The following CSMD1 variants were observed in gnomAD, a reference collection of about 807,000 sequenced individuals.
The protein encoded by CSMD1 is CUB and sushi domain-containing protein 1.
In CSMD1, 213 loss-of-function variants were observed where a neutral mutation model predicts 417.5. The ratio of observed to expected loss-of-function variants is 0.51; its 90% CI spans 0.46 to 0.57. The LOEUF is 0.57. CSMD1 is among the 20% of genes least tolerant of loss of function. The pLI, the probability that CSMD1 is intolerant of heterozygous loss-of-function variation, is 0.00. For synonymous variants in CSMD1, 2,862 were observed against 1,736.8 expected, an observed-to-expected ratio of 1.65 and a Z score of -16.11; for missense variants, 6,923 against 4,529.7, an observed-to-expected ratio of 1.53 and a Z score of -15.17.
chr8:3,967,771 G>A (rs989619270), intron 5 of CSMD1, among the ~76,000 whole-genome samples: 2 of 152,058 alleles, frequency 1.3e-5, no homozygotes, highest in Non-Finnish European at 1.5e-5. Context: ...TATTACGTGT[G>A]AACTAACTAC....
At chr8:4,707,886 C>CAAAAAAAAAAAAAAAAAAA (rs552510236) in intron 1 of CSMD1, among the ~76,000 whole-genome samples, 5 of 100,852 alleles carry the variant, frequency 5.0e-5, no homozygotes, top group African/African-American at 1.1e-4. Flanking sequence ...GACTTTGTTT[C>CAAAAAAAAAAAAAAAAAAA]AAAAAAAAAA....
chr8:3,250,997 C>G (rs1206166187), intron 26 of CSMD1, among the ~76,000 whole-genome samples: 1 of 152,148 alleles, frequency 6.6e-6, no homozygotes, highest in African/African-American at 2.4e-5. Context: ...TGAAAATTTT[C>G]TCCCATTTTG....
intron 1 of CSMD1, among the ~76,000 whole-genome samples, chr8:4,816,255 G>A (rs1439982747): frequency 1.3e-5 from 2 of 151,948 alleles, no homozygotes; most frequent in African/African-American, 4.8e-5. Flanking sequence ...TGCAATCTTG[G>A]CTCACTGCAA....
At chr8:4,141,527 C>A (rs1803789343) in intron 3 of CSMD1, among the ~76,000 whole-genome samples, 1 of 151,176 alleles carries the variant, frequency 6.6e-6, no homozygotes, top group South Asian at 2.1e-4. Context: ...TACATTTTCA[C>A]ACATGTACAA....
intron 23 of CSMD1, among the ~76,000 whole-genome samples, chr8:3,338,147 C>T (rs1360158261): frequency 6.6e-6 from 1 of 152,162 alleles, no homozygotes; most frequent in Non-Finnish European, 1.5e-5. Context: ...CTCTGAGGTG[C>T]TAAAACCAGC....
intron 3 of CSMD1, among the ~76,000 whole-genome samples, chr8:4,252,137 G>C (rs921492304): frequency 1.3e-5 from 2 of 152,168 alleles, no homozygotes; most frequent in African/African-American, 4.8e-5. Flanking sequence ...CACAATTTCA[G>C]TTTTGTTCTG....
chr8:3,876,048 T>C (rs1805792780), intron 5 of CSMD1, among the ~76,000 whole-genome samples: 1 of 152,234 alleles, frequency 6.6e-6, no homozygotes, highest in Middle Eastern at 3.2e-3. Flanking sequence ...TAATACTGCA[T>C]TTTAATTACC....
chr8:2,966,537 C>T (rs762394274), intron 58 of CSMD1, 33 bp downstream of exon 58: 14 of 1,584,982 alleles, frequency 8.8e-6, no homozygotes, highest in East Asian at 2.3e-5. Flanking sequence ...TTCATAGTAA[C>T]GTCTGAGTCT....
chr8:3,062,604 T>C (rs1019156228), intron 49 of CSMD1, among the ~76,000 whole-genome samples: 3 of 145,646 alleles, frequency 2.1e-5, no homozygotes, highest in Middle Eastern at 3.7e-3. Flanking sequence ...TTGAGGATAA[T>C]AGGATTGAGC....
At chr8:4,489,750 C>T (rs1001853091) in intron 2 of CSMD1, among the ~76,000 whole-genome samples, 1 of 152,156 alleles carries the variant, frequency 6.6e-6, no homozygotes, top group Non-Finnish European at 1.5e-5. Context: ...GCAGCTGCCG[C>T]GGTGTGAGAT....
chr8:4,876,792 T>C (rs888011536), intron 1 of CSMD1, among the ~76,000 whole-genome samples: 2 of 152,030 alleles, frequency 1.3e-5, no homozygotes, highest in African/African-American at 4.8e-5. Context: ...GGGGGTGTTT[T>C]ATTTTTCCTT....
chr8:4,390,497 T>TTTTTTATTTATTTA (rs58291340), intron 3 of CSMD1, among the ~76,000 whole-genome samples: 11 of 140,324 alleles, frequency 7.8e-5, no homozygotes, highest in African/African-American at 1.6e-4. Flanking sequence ...AAGCGTCCAT[T>TTTTTTATTTATTTA]TTTATTTATT....
Position 3,592,865 on chromosome 8 carries a change from T to C in CSMD1, c.1098-6605A>G, listed in dbSNP as rs1308672255. On this transcript the variant is annotated intron_variant, in intron 8 of 69. Transcript: ENST00000635120. ...AATAGGTGTAAAGGAGATGTGATGGTAGGTTCTCCCACTTCCTGCTTCTCC... is the reference window on the plus strand; with the variant it reads ...AATAGGTGTAAAGGAGATGTGATGGCAGGTTCTCCCACTTCCTGCTTCTCC... Among the ~76,000 whole-genome samples the C allele has an allele frequency of 4.6e-5, 7 of 152,160 alleles. No individual in the cohort carries two copies. In the East Asian group the frequency reaches 1.4e-3, roughly 29 times the overall value.
At chr8:4,096,213 A>G (rs1380811388) in intron 3 of CSMD1, among the ~76,000 whole-genome samples, 1 of 152,180 alleles carries the variant, frequency 6.6e-6, no homozygotes, top group African/African-American at 2.4e-5. Context: ...GAAACTCTTA[A>G]TAATTATAAT....
At chr8:3,470,132 C>G (rs146192437) in intron 11 of CSMD1, among the ~76,000 whole-genome samples, 2 of 152,150 alleles carry the variant, frequency 1.3e-5, no homozygotes, top group African/African-American at 2.4e-5. Context: ...CAGTCACCAT[C>G]CTCTCCTCCC....
At chr8:3,794,373 C>T (rs961848088) in intron 5 of CSMD1, among the ~76,000 whole-genome samples, 2 of 152,108 alleles carry the variant, frequency 1.3e-5, no homozygotes, top group Non-Finnish European at 2.9e-5. Flanking sequence ...ACTTATAGAT[C>T]ATGAAGTTTC....
chr8:3,604,190 A>C (rs9644274), intron 8 of CSMD1, among the ~76,000 whole-genome samples: 1 of 152,104 alleles, frequency 6.6e-6, no homozygotes, highest in Non-Finnish European at 1.5e-5. Flanking sequence ...CAGATAGAAA[A>C]TATATAAACA....
chr8:4,732,675 A>G (rs942338090), intron 1 of CSMD1, among the ~76,000 whole-genome samples: 1 of 152,118 alleles, frequency 6.6e-6, no homozygotes, highest in African/African-American at 2.4e-5. Context: ...CATCTGCCCC[A>G]GCTGTATCCT....
At chr8:4,289,900 A>G (rs527329917) in intron 3 of CSMD1, among the ~76,000 whole-genome samples, 1 of 152,320 alleles carries the variant, frequency 6.6e-6, no homozygotes, top group South Asian at 2.1e-4. Flanking sequence ...AATGAATCAA[A>G]TGGTACCTCT....
Sources: allele counts gnomAD v4.1 joint callset (sites outside exome capture counted in the v4.1 genomes callset), GRCh38; gene constraint gnomAD v4.1.1; transcripts MANE v1.5; gene names NCBI Gene and HGNC (gene_info 2026-07-23, HGNC 2026-07-21).